The following RBPMS2 variants were observed in gnomAD, a reference collection of about 807,000 sequenced individuals.
The protein encoded by RBPMS2 is RNA-binding protein with multiple splicing 2.
RBPMS2 carries 14 observed loss-of-function variants against 25.7 expected under a neutral mutation model. That is an observed-to-expected ratio of 0.55 (90% CI 0.36 to 0.85). RBPMS2 has a LOEUF of 0.85. Among genes scored for constraint, RBPMS2 ranks in the 40% least tolerant of loss-of-function variants. RBPMS2 has a pLI of 0.01. For missense variants in RBPMS2, 252 were observed against 283.4 expected, an observed-to-expected ratio of 0.89 and a Z score of 0.80; for synonymous variants, 127 against 115.6, an observed-to-expected ratio of 1.10 and a Z score of -0.63.
intron 1 of RBPMS2, among the ~76,000 whole-genome samples, chr15:64,763,073 A>T (rs1288689346): frequency 8.1e-6 from 1 of 123,346 alleles, no homozygotes; most frequent in Non-Finnish European, 1.7e-5. Flanking sequence ...TGGGGGTGGG[A>T]GTGTTTTGGG....
At chr15:64,771,381 T>C (rs2083891753) in intron 1 of RBPMS2, among the ~76,000 whole-genome samples, 1 of 152,190 alleles carries the variant, frequency 6.6e-6, no homozygotes, top group African/African-American at 2.4e-5. Flanking sequence ...TATATAAAAT[T>C]TGTATATAAC....
chr15:64,765,321 A>G (rs2083836160), intron 1 of RBPMS2, among the ~76,000 whole-genome samples: 2 of 149,598 alleles, frequency 1.3e-5, no homozygotes, highest in African/African-American at 4.9e-5. Flanking sequence ...AGGCTGAGGC[A>G]GGAGAATCCC....
At chr15:64,743,153 G>A (rs546305765) in intron 6 of RBPMS2, among the ~76,000 whole-genome samples, 65 of 152,328 alleles carry the variant, frequency 4.3e-4, no homozygotes, top group African/African-American at 9.6e-4. Context: ...AATCCCGGAC[G>A]GGCTGGGTGT....
chr15:64,772,561 T>C (rs1314000602), intron 1 of RBPMS2, among the ~76,000 whole-genome samples: 1 of 152,246 alleles, frequency 6.6e-6, no homozygotes, highest in Non-Finnish European at 1.5e-5. Flanking sequence ...CTGCCTGATA[T>C]TGCTGCAATA....
intron 3 of RBPMS2, among the ~76,000 whole-genome samples, chr15:64,749,768 C>T (rs939869861): frequency 2.0e-5 from 3 of 152,142 alleles, no homozygotes; most frequent in Admixed American, 2.0e-4. Flanking sequence ...AATTAAACGT[C>T]GCCCTTTTAG....
chr15:64,746,450 C>T (rs1419102150), intron 6 of RBPMS2, among the ~76,000 whole-genome samples: 1 of 152,242 alleles, frequency 6.6e-6, no homozygotes, highest in Non-Finnish European at 1.5e-5. Flanking sequence ...ATCATGCGAA[C>T]AACACACCTA....
At chr15:64,748,338 C>A in intron 6 of RBPMS2, 81 bp downstream of exon 6, 2 of 1,427,058 alleles carry the variant, frequency 1.4e-6, no homozygotes, top group South Asian at 2.5e-5. Context: ...GGGACAGCAG[C>A]GGCCAAGTGG....
At chr15:64,747,808 C>T (rs1277495221) in intron 6 of RBPMS2, among the ~76,000 whole-genome samples, 1 of 152,204 alleles carries the variant, frequency 6.6e-6, no homozygotes, top group Non-Finnish European at 1.5e-5. Context: ...CGACTCTCCC[C>T]AGAAGCATTC....
At chr15:64,774,732 A>AGCCGGCCGGCCGGCCGGTCG (rs146916271) in intron 1 of RBPMS2, among the ~76,000 whole-genome samples, 1 of 147,068 alleles carries the variant, frequency 6.8e-6, no homozygotes, top group Non-Finnish European at 1.5e-5. Context: ...GGAACCGAGG[A>AGCCGGCCGGCCGGCCGGTCG]GCCGGCCGGC....
At chr15:64,771,859 TG>T (rs1247641326) in intron 1 of RBPMS2, among the ~76,000 whole-genome samples, 2 of 152,126 alleles carry the variant, frequency 1.3e-5, no homozygotes, top group Non-Finnish European at 2.9e-5. Flanking sequence ...CTCAGGAGGC[TG>T]AGGCAGGAGA....
intron 4 of RBPMS2, 133 bp downstream of exon 4, chr15:64,749,298 T>C: frequency 6.1e-6 from 8 of 1,307,864 alleles, no homozygotes; most frequent in Non-Finnish European, 8.8e-6. Flanking sequence ...GCTCAGGCCT[T>C]GAGTAATGGC....
At chr15:64,765,375 A>C (rs1239525987) in intron 1 of RBPMS2, among the ~76,000 whole-genome samples, 2 of 149,610 alleles carry the variant, frequency 1.3e-5, no homozygotes, top group African/African-American at 5.0e-5. Context: ...AGATCACGCC[A>C]CTGCACTCCA....
chr15:64,759,718 G>A (rs911841545), intron 1 of RBPMS2, among the ~76,000 whole-genome samples: 3 of 151,916 alleles, frequency 2.0e-5, no homozygotes, highest in Non-Finnish European at 2.9e-5. Context: ...TGTCACCTAG[G>A]CTGGAGTGCA....
At chr15:64,765,764 C>T (rs566997665) in intron 1 of RBPMS2, among the ~76,000 whole-genome samples, 2 of 152,024 alleles carry the variant, frequency 1.3e-5, no homozygotes, top group Non-Finnish European at 2.9e-5. Flanking sequence ...GCCAACATGG[C>T]GAAACCCTAT....
At chr15:64,772,851 T>C (rs2083902000) in intron 1 of RBPMS2, among the ~76,000 whole-genome samples, 1 of 152,176 alleles carries the variant, frequency 6.6e-6, no homozygotes, top group African/African-American at 2.4e-5. Context: ...GAATTTTCAC[T>C]TGTATCCTTA....
At chr15:64,765,578 C>G (rs1306114066) in intron 1 of RBPMS2, among the ~76,000 whole-genome samples, 1 of 145,206 alleles carries the variant, frequency 6.9e-6, no homozygotes, top group Non-Finnish European at 1.5e-5. Flanking sequence ...GATCCTGTGT[C>G]AGAATAAAAA....
At chr15:64,771,467 G>C (rs546990446) in intron 1 of RBPMS2, among the ~76,000 whole-genome samples, 1 of 152,328 alleles carries the variant, frequency 6.6e-6, no homozygotes, top group African/African-American at 2.4e-5. Context: ...TGGACCACTT[G>C]AGGTCAGGAG....
intron 1 of RBPMS2, chr15:64,762,642 G>A: frequency 7.0e-6 from 3 of 430,184 alleles, no homozygotes; most frequent in South Asian, 5.4e-5. Context: ...AGGAAGCCCA[G>A]GGTGAAGCCC....
At chr15:64,765,053 C>G (rs554172025) in intron 1 of RBPMS2, among the ~76,000 whole-genome samples, 1 of 150,106 alleles carries the variant, frequency 6.7e-6, no homozygotes, top group East Asian at 2.0e-4. Flanking sequence ...GGTGAAACCC[C>G]GTCTCTACTA....
Sources: allele counts gnomAD v4.1 joint callset (sites outside exome capture counted in the v4.1 genomes callset), GRCh38; gene constraint gnomAD v4.1.1; transcripts MANE v1.5; gene names NCBI Gene and HGNC (gene_info 2026-07-23, HGNC 2026-07-21).